GRIK1: variants seen among roughly 807,000 people sequenced by gnomAD.
The protein encoded by GRIK1 is glutamate receptor ionotropic, kainate 1.
GRIK1 carries 69 observed loss-of-function variants against 105.7 expected under a neutral mutation model. That is an observed-to-expected ratio of 0.65 (90% CI 0.54 to 0.80). The LOEUF is 0.80. GRIK1 is among the 30% of genes least tolerant of loss of function. GRIK1 has a pLI of 0.00. For synonymous variants in GRIK1, 438 were observed against 431.3 expected, an observed-to-expected ratio of 1.02 and a Z score of -0.19; for missense variants, 1,109 against 1,167.3, an observed-to-expected ratio of 0.95 and a Z score of 0.73.
intron 1 of GRIK1, among the ~76,000 whole-genome samples, chr21:29,716,598 T>C (rs1227583338): frequency 2.0e-5 from 3 of 152,196 alleles, no homozygotes; most frequent in African/African-American, 7.2e-5. Context: ...TGCTATACTC[T>C]AGCAAAGAGA....
chr21:29,698,204 G>A (rs1461714918), intron 1 of GRIK1, among the ~76,000 whole-genome samples: 2 of 152,084 alleles, frequency 1.3e-5, no homozygotes, highest in Non-Finnish European at 2.9e-5. Context: ...GGTTTGAGAT[G>A]AGAAATCCCT....
chr21:29,799,047 C>T (rs1463353082), intron 1 of GRIK1, among the ~76,000 whole-genome samples: 1 of 152,198 alleles, frequency 6.6e-6, no homozygotes, highest in Non-Finnish European at 1.5e-5. Context: ...TAAACATTGC[C>T]TGGAATTGTC....
chr21:29,883,663 A>G (rs1208378525), intron 1 of GRIK1, among the ~76,000 whole-genome samples: 1 of 152,092 alleles, frequency 6.6e-6, no homozygotes, highest in Non-Finnish European at 1.5e-5. Context: ...TTATAAAGAA[A>G]TCAGACTATA....
chr21:29,908,771 C>G (rs1239594459), intron 1 of GRIK1, among the ~76,000 whole-genome samples: 6 of 152,140 alleles, frequency 3.9e-5, no homozygotes, highest in Admixed American at 3.3e-4. Context: ...CTCGATTTTT[C>G]CATTACTCAA....
At chr21:29,820,222 A>AT in intron 1 of GRIK1, among the ~76,000 whole-genome samples, 1 of 152,030 alleles carries the variant, frequency 6.6e-6, no homozygotes, top group East Asian at 1.9e-4. Context: ...CACTGTTTCC[A>AT]TTTTTTTCTT....
At chr21:29,559,149 T>C (rs540400150) in intron 15 of GRIK1, among the ~76,000 whole-genome samples, 17 of 152,294 alleles carry the variant, frequency 1.1e-4, no homozygotes, top group African/African-American at 3.9e-4. Context: ...GGAACTATAG[T>C]TACTCCTCTA....
intron 3 of GRIK1, among the ~76,000 whole-genome samples, chr21:29,677,012 C>T (rs931012008): frequency 3.3e-5 from 5 of 152,032 alleles, no homozygotes; most frequent in Admixed American, 2.0e-4. Context: ...GTGGTTATAA[C>T]GAGAAAGGTC....
chr21:29,548,269 C>T (rs2090077759), intron 16 of GRIK1, among the ~76,000 whole-genome samples: 1 of 152,170 alleles, frequency 6.6e-6, no homozygotes, highest in South Asian at 2.1e-4. Context: ...AATTCACACA[C>T]TGCATTTGTA....
chr21:29,857,406 A>G (rs1465778986), intron 1 of GRIK1, among the ~76,000 whole-genome samples: 2 of 152,226 alleles, frequency 1.3e-5, no homozygotes, highest in Admixed American at 6.5e-5. Flanking sequence ...ACATAGCTAC[A>G]CGCCAAGTAA....
intron 4 of GRIK1, among the ~76,000 whole-genome samples, chr21:29,666,848 T>C (rs1001426886): frequency 6.6e-6 from 1 of 152,352 alleles, no homozygotes. Flanking sequence ...TACACAACAG[T>C]AGCAGAAGAG....
intron 1 of GRIK1, among the ~76,000 whole-genome samples, chr21:29,709,111 G>A (rs1337738686): frequency 6.6e-6 from 1 of 151,786 alleles, no homozygotes; most frequent in Admixed American, 6.6e-5. Context: ...ATTTCTTACT[G>A]ATCTGTTATA....
intron 1 of GRIK1, among the ~76,000 whole-genome samples, chr21:29,715,038 T>C (rs149406244): frequency 6.6e-6 from 1 of 152,292 alleles, no homozygotes; most frequent in East Asian, 1.9e-4. Flanking sequence ...TAGCATGATA[T>C]TGGATGAACT....
chr21:29,820,686 A>C (rs989598744), intron 1 of GRIK1, among the ~76,000 whole-genome samples: 6 of 152,030 alleles, frequency 3.9e-5, no homozygotes, highest in Non-Finnish European at 8.8e-5. Flanking sequence ...AGTGCTAATT[A>C]AATTAAAGCC....
At chr21:29,813,087 T>C (rs2067056636) in intron 1 of GRIK1, among the ~76,000 whole-genome samples, 1 of 152,124 alleles carries the variant, frequency 6.6e-6, no homozygotes, top group Admixed American at 6.5e-5. Flanking sequence ...TAGGCAGCTC[T>C]CTCAGAGCAT....
At chr21:29,770,097 T>C (rs1422404965) in intron 1 of GRIK1, among the ~76,000 whole-genome samples, 1 of 152,158 alleles carries the variant, frequency 6.6e-6, no homozygotes, top group African/African-American at 2.4e-5. Context: ...GGGGAGATCT[T>C]CTCTATCAGT....
chr21:29,878,115 G>T (rs140293605), intron 1 of GRIK1, among the ~76,000 whole-genome samples: 291 of 152,274 alleles, frequency 1.9e-3, no homozygotes, highest in African/African-American at 6.8e-3. Flanking sequence ...TGAAATGAAT[G>T]AGAGCGGAGA....
intron 4 of GRIK1, among the ~76,000 whole-genome samples, chr21:29,671,686 C>T (rs763280570): frequency 1.6e-4 from 25 of 152,126 alleles, no homozygotes; most frequent in Non-Finnish European, 2.9e-4. Context: ...ACATAGCAAC[C>T]CCAGACCTTT....
At chr21:29,732,922 T>C (rs928602882) in intron 1 of GRIK1, among the ~76,000 whole-genome samples, 1 of 152,162 alleles carries the variant, frequency 6.6e-6, no homozygotes, top group Non-Finnish European at 1.5e-5. Flanking sequence ...ACAAGACAAA[T>C]GTGAAAAAAT....
intron 1 of GRIK1, among the ~76,000 whole-genome samples, chr21:29,881,143 T>A (rs1446192770): frequency 6.6e-6 from 1 of 152,154 alleles, no homozygotes; most frequent in Non-Finnish European, 1.5e-5. Flanking sequence ...TGAAAATTAA[T>A]TAAAATGATT....
Sources: allele counts gnomAD v4.1 joint callset (sites outside exome capture counted in the v4.1 genomes callset), GRCh38; gene constraint gnomAD v4.1.1; transcripts MANE v1.5; gene names NCBI Gene and HGNC (gene_info 2026-07-23, HGNC 2026-07-21).